The following TBC1D2 variants were observed in gnomAD, a reference collection of about 807,000 sequenced individuals.
The protein encoded by TBC1D2 is TBC1 domain family member 2A.
A neutral mutation model predicts 91.1 loss-of-function variants in TBC1D2; 58 were observed. The observed-to-expected ratio is 0.64, with a 90% CI of 0.52 to 0.79. The LOEUF (loss-of-function observed/expected upper bound fraction) is 0.79. TBC1D2 is among the 30% of genes least tolerant of loss of function. The pLI, the probability that TBC1D2 is intolerant of heterozygous loss-of-function variation, is 0.00. For missense variants in TBC1D2, 1,080 were observed against 1,208.3 expected (o/e 0.89, Z 1.57); for synonymous variants, 482 against 511.5 (o/e 0.94, Z 0.78).
intron 3 of TBC1D2, among the ~76,000 whole-genome samples, chr9:98,241,987 G>A (rs184436929): frequency 2.0e-4 from 30 of 152,240 alleles, no homozygotes; most frequent in Admixed American, 1.0e-3. Context: ...TGGAAAGGAC[G>A]TCACCACCCT....
rs371719043 is a variant in TBC1D2, at chr9:98,200,266, T to C, written c.2566A>G (p.Ile856Val). The C allele has an allele frequency of 1.9e-6, 3 of 1,613,432 alleles. No individual in the cohort carries two copies. Among genetic ancestry groups the C allele is most frequent in the African/African-American group, 1.3e-5 (1 of 74,790 alleles). ...GGGGTTCCTCACCGGCTGTTGGAGA[T>C]GGTCTTGGTGAAGAAGCGCAGGTAC... ...YQYLRFFTKT[I>V]SNSRKLMNIA... Residue 856 changes from isoleucine to valine, a missense_variant, in exon 12 of 13, where the codon ATC becomes GTC. Ile to Val is a conservative substitution (Grantham distance 29). Coordinates refer to ENST00000465784, the MANE Select transcript of TBC1D2 (RefSeq NM_001267571.2).
At chr9:98,199,973 C>T (rs1053364298) in intron 12 of TBC1D2, among the ~76,000 whole-genome samples, 48 of 152,212 alleles carry the variant, frequency 3.2e-4, no homozygotes, top group Non-Finnish European at 4.9e-4. Context: ...TGGGGTTGTC[C>T]TAGGAACTCG....
intron 1 of TBC1D2, among the ~76,000 whole-genome samples, chr9:98,254,327 T>C (rs933687085): frequency 2.6e-5 from 4 of 152,244 alleles, no homozygotes; most frequent in South Asian, 2.1e-4. Context: ...TGTGTGTGCA[T>C]GTGTGCTTAT....
At chr9:98,215,854 C>A (rs1828956913) in intron 6 of TBC1D2, among the ~76,000 whole-genome samples, 1 of 152,188 alleles carries the variant, frequency 6.6e-6, no homozygotes, top group South Asian at 2.1e-4. Flanking sequence ...CTGCCGGGCA[C>A]CATCTGAGCT....
At chr9:98,240,236 A>G (rs531060985) in intron 3 of TBC1D2, among the ~76,000 whole-genome samples, 1 of 151,996 alleles carries the variant, frequency 6.6e-6, no homozygotes, top group South Asian at 2.1e-4. Flanking sequence ...ATGAGATTAT[A>G]CTTTCATGGA....
chr9:98,227,821 A>G (rs966707695), intron 5 of TBC1D2, among the ~76,000 whole-genome samples: 1 of 151,684 alleles, frequency 6.6e-6, no homozygotes, highest in African/African-American at 2.4e-5. Context: ...CATGCCAGGA[A>G]TGAAGCCTCT....
chr9:98,229,338 C>T (rs1426916143), intron 4 of TBC1D2, 190 bp from the exon 5 acceptor site: 1 of 577,360 alleles, frequency 1.7e-6, no homozygotes, highest in Non-Finnish European at 3.1e-6. Flanking sequence ...CTAGGTGATG[C>T]TGACACAGCT....
chr9:98,218,222 G>T (rs1829014854), intron 6 of TBC1D2, among the ~76,000 whole-genome samples: 1 of 151,952 alleles, frequency 6.6e-6, no homozygotes, highest in Non-Finnish European at 1.5e-5. Flanking sequence ...TGTATTCTTG[G>T]TTAATGTGAA....
At chr9:98,226,815 T>C (rs1467302155) in intron 5 of TBC1D2, among the ~76,000 whole-genome samples, 1 of 152,230 alleles carries the variant, frequency 6.6e-6, no homozygotes, top group Non-Finnish European at 1.5e-5. Context: ...AATTTCCCTC[T>C]GAATATATGG....
intron 1 of TBC1D2, among the ~76,000 whole-genome samples, chr9:98,252,959 A>G (rs1829902447): frequency 1.3e-5 from 2 of 152,170 alleles, no homozygotes; most frequent in South Asian, 4.1e-4. Context: ...AGGTATCAAT[A>G]AGATAAATGA....
At position 98,229,142 on chromosome 9, in the gene TBC1D2, T is replaced by C; in HGVS notation, c.788A>G (p.Glu263Gly). 1 of 1,614,148 alleles carries C rather than the reference T, an allele frequency of 6.2e-7. No homozygotes were observed. Among genetic ancestry groups the C allele is most frequent in the Non-Finnish European group, 8.5e-7 (1 of 1,180,014 alleles). Residue 263 changes from glutamate (E) to glycine (G), a missense_variant, in exon 5 of 13, where the codon GAG becomes GGG. Transcript: ENST00000465784. ...TGCAGGCTTTGGAGAATCCTCTGGC[T>C]CTCTCCCTGCTCAAGAGGAGAAACG... Reference protein sequence around the residue: ...LASDASTPGREPEDSPKPAPK... With the variant: ...LASDASTPGRGPEDSPKPAPK...
At chr9:98,236,873 T>G (rs1829517362) in intron 3 of TBC1D2, among the ~76,000 whole-genome samples, 1 of 152,116 alleles carries the variant, frequency 6.6e-6, no homozygotes. Context: ...AAATAGCAGT[T>G]GGGGATATGG....
intron 4 of TBC1D2, among the ~76,000 whole-genome samples, chr9:98,230,244 TA>T (rs1157237065): frequency 1.4e-5 from 2 of 141,822 alleles, no homozygotes; most frequent in Non-Finnish European, 3.2e-5. Flanking sequence ...TTGCTTCTTA[TA>T]AGAAAATATG....
chr9:98,214,687 C>T (rs1002338999), intron 6 of TBC1D2, among the ~76,000 whole-genome samples: 1 of 152,228 alleles, frequency 6.6e-6, no homozygotes, highest in Non-Finnish European at 1.5e-5. Context: ...ATGTGCACAG[C>T]CCACAGGTGG....
chr9:98,233,294 C>A, intron 4 of TBC1D2, 122 bp downstream of exon 4: 3 of 1,356,732 alleles, frequency 2.2e-6, no homozygotes, highest in East Asian at 2.5e-5. Flanking sequence ...CAGTAAGTAG[C>A]CCAAGCCAAC....
chr9:98,220,741 C>T, intron 6 of TBC1D2, 92 bp downstream of exon 6: 2 of 1,508,642 alleles, frequency 1.3e-6, no homozygotes, highest in Non-Finnish European at 1.8e-6. Context: ...CCCACTCCAC[C>T]TAGCAAACCC....
chr9:98,233,417 T>C lies in TBC1D2; in HGVS notation c.780A>G (p.Pro260=), dbSNP rs777432864. The change falls in exon 4 of 13, where the codon CCA becomes CCG. Residue 260 remains proline (P), a splice_region_variant and synonymous_variant. Transcript: ENST00000465784. ...GCTCAGCCCTGGACAGAGGCTCACC[T>C]GGGGTGCTGGCGTCAGAGGCCAAGG... ...EQPLASDAST[P]GREPEDSPKP... The C allele has an allele frequency of 6.2e-7, 1 of 1,613,536 alleles. No homozygotes were observed. Among genetic ancestry groups the C allele is most frequent in the South Asian group, 1.1e-5 (1 of 91,032 alleles).
At chr9:98,221,791 C>T (rs1325762034) in intron 5 of TBC1D2, among the ~76,000 whole-genome samples, 3 of 152,190 alleles carry the variant, frequency 2.0e-5, no homozygotes, top group African/African-American at 4.8e-5. Context: ...TGCAGTGGCA[C>T]AGACATGGCT....
intron 6 of TBC1D2, among the ~76,000 whole-genome samples, chr9:98,218,120 GCATTA>G (rs1470325852): frequency 1.3e-5 from 2 of 152,032 alleles, no homozygotes; most frequent in Non-Finnish European, 2.9e-5. Context: ...CCAAATGCTG[GCATTA>G]CAGGTGTGAG....
Sources: gnomAD v4.1 joint callset for allele counts (sites outside exome capture counted in the v4.1 genomes callset) on GRCh38, gnomAD v4.1.1 for gene constraint, MANE v1.5 for transcripts, NCBI Gene and HGNC (gene_info 2026-07-23, HGNC 2026-07-21) for gene names.